Variants in WWC2 observed in about 807,000 individuals in gnomAD.
The protein encoded by WWC2 is WW and C2 domain containing 2.
A neutral mutation model predicts 138.5 loss-of-function variants in WWC2; 101 were observed. The ratio of observed to expected loss-of-function variants is 0.73; its 90% CI spans 0.62 to 0.86. The LOEUF is 0.86. Ranked by LOEUF, WWC2 falls within the 40% of genes least tolerant of loss-of-function variation. WWC2 has a pLI of 0.00. For missense variants in WWC2, 1,420 were observed against 1,419.4 expected, an observed-to-expected ratio of 1.00 and a Z score of -0.01; for synonymous variants, 558 against 538.4, an observed-to-expected ratio of 1.04 and a Z score of -0.50.
At chr4:183,172,338 T>C (rs1734313115) in intron 1 of WWC2, among the ~76,000 whole-genome samples, 2 of 152,212 alleles carry the variant, frequency 1.3e-5, no homozygotes, top group Admixed American at 6.5e-5. Context: ...TGGTTTATTC[T>C]CTGTTTTGGT....
chr4:183,294,712 A>T (rs77472227), intron 21 of WWC2, among the ~76,000 whole-genome samples: 1 of 152,182 alleles, frequency 6.6e-6, no homozygotes, highest in African/African-American at 2.4e-5. Flanking sequence ...GAAAAAGAAG[A>T]TGAAGACCTT....
intron 7 of WWC2, among the ~76,000 whole-genome samples, chr4:183,249,690 G>A (rs559384861): frequency 4.6e-5 from 7 of 152,216 alleles, no homozygotes; most frequent in African/African-American, 1.2e-4. Context: ...TGAATTTAAC[G>A]TGTAGAGAAA....
At chr4:183,208,513 AGAGT>A (rs1735507506) in intron 3 of WWC2, among the ~76,000 whole-genome samples, 2 of 152,294 alleles carry the variant, frequency 1.3e-5, no homozygotes, top group East Asian at 3.9e-4. Flanking sequence ...ACTATTACCT[AGAGT>A]GTAATTTCTG....
chr4:183,150,495 T>A (rs1342969133), intron 1 of WWC2, among the ~76,000 whole-genome samples: 4 of 152,168 alleles, frequency 2.6e-5, no homozygotes, highest in Non-Finnish European at 1.5e-5. Context: ...TACGTTGATG[T>A]CATTATATAG....
chr4:183,172,093 A>G (rs972769866), intron 1 of WWC2, among the ~76,000 whole-genome samples: 1 of 152,054 alleles, frequency 6.6e-6, no homozygotes, highest in Non-Finnish European at 1.5e-5. Flanking sequence ...TCCTATTACC[A>G]ATTTGTGGCC....
intron 1 of WWC2, among the ~76,000 whole-genome samples, chr4:183,101,358 T>C (rs1433647317): frequency 2.0e-5 from 3 of 152,238 alleles, no homozygotes; most frequent in African/African-American, 7.2e-5. Context: ...ATGTCCTTTA[T>C]TTTAAACTCT....
At chr4:183,119,539 C>T (rs969818946) in intron 1 of WWC2, among the ~76,000 whole-genome samples, 1 of 152,300 alleles carries the variant, frequency 6.6e-6, no homozygotes, top group East Asian at 1.9e-4. Context: ...CATTTCAAGA[C>T]GGGGTATAAA....
At chr4:183,280,496 C>G (rs1046551408) in intron 16 of WWC2, among the ~76,000 whole-genome samples, 1 of 152,002 alleles carries the variant, frequency 6.6e-6, no homozygotes, top group Admixed American at 6.6e-5. Flanking sequence ...TTGACAAATA[C>G]GCTAAGGGAA....
At position 183,280,777 on chromosome 4, in the gene WWC2, A is replaced by T. The variant is rs766315963; in HGVS notation, c.2564A>T (p.Asp855Val). The change falls in exon 17 of 23, where the codon GAT (aspartate) becomes GTT (valine). Residue 855 changes from aspartate (D) to valine (V), a missense_variant and splice_region_variant. Physicochemically the swap from Asp to Val is radical, Grantham distance 152 (BLOSUM62 -3). Transcript: ENST00000403733. ...TGCCGTATGCTTTACATTCTTCAGG[A>T]TGCAGTGTCAGCCTTACTTGCAAGA... ...NQPLVDSIDL[D>V]AVSALLARTS... 2 of 1,602,800 alleles carry T rather than the reference A, an allele frequency of 1.2e-6. No individual in the cohort carries two copies. Among genetic ancestry groups the T allele is most frequent in the South Asian group, 2.3e-5 (2 of 88,724 alleles).
intron 1 of WWC2, among the ~76,000 whole-genome samples, chr4:183,134,800 A>T (rs1358244204): frequency 6.6e-6 from 1 of 152,154 alleles, no homozygotes; most frequent in African/African-American, 2.4e-5. Context: ...CTTTTGCCTT[A>T]AAATCTATTG....
intron 21 of WWC2, among the ~76,000 whole-genome samples, chr4:183,309,902 G>A (rs1180374189): frequency 5.3e-5 from 8 of 152,212 alleles, no homozygotes; most frequent in Non-Finnish European, 1.2e-4. Context: ...TGAGCTATCT[G>A]TCAAGCCATG....
chr4:183,287,686 T>C (rs1738303696), intron 20 of WWC2, among the ~76,000 whole-genome samples: 1 of 152,146 alleles, frequency 6.6e-6, no homozygotes, highest in Admixed American at 6.5e-5. Context: ...AGGACAAAAG[T>C]ATCTGCAAAG....
chr4:183,167,981 G>C (rs373851265), intron 1 of WWC2, among the ~76,000 whole-genome samples: 1 of 150,606 alleles, frequency 6.6e-6, no homozygotes, highest in Admixed American at 6.7e-5. Flanking sequence ...TCAGCCTCCC[G>C]AGTAGCTGGG....
At chr4:183,209,117 A>G (rs1735526480) in intron 4 of WWC2, 92 bp downstream of exon 4, 4 of 881,788 alleles carry the variant, frequency 4.5e-6, no homozygotes, top group East Asian at 2.7e-5. Context: ...TCTCATCTCC[A>G]TTTGGTGTAG....
Position 183,319,434 on chromosome 4 carries a change from G to C in WWC2, c.*3705G>C. ...CTTGGAAAGAAACTATAGTTTAATA[G>C]CCACAGGAAAAGATGCATTTTCAAA... is the stretch of plus-strand genomic sequence containing the variant. On this transcript the variant is annotated 3_prime_UTR_variant, in exon 23 of 23. Coordinates refer to ENST00000403733, the MANE Select transcript of WWC2 (RefSeq NM_024949.6). 9.4e-7 allele frequency: 1 copy of C among 1,061,020 alleles called. No individual in the cohort carries two copies. Among genetic ancestry groups the C allele is most frequent in the Non-Finnish European group, 1.4e-6 (1 of 728,266 alleles). 65.7% of individuals were successfully genotyped at this position (1,061,020 alleles called of 1,614,324 possible).
intron 4 of WWC2, 61 bp from the exon 5 acceptor site, chr4:183,240,122 C>G: frequency 8.2e-7 from 1 of 1,216,060 alleles, no homozygotes; most frequent in Non-Finnish European, 1.2e-6. Context: ...TCTTTTAAAA[C>G]TGTAGACTGT....
At chr4:183,193,534 C>A in intron 1 of WWC2, 65 bp from the exon 2 acceptor site, 1 of 1,434,434 alleles carries the variant, frequency 7.0e-7, no homozygotes, top group Non-Finnish European at 9.8e-7. Flanking sequence ...GGTTAGGGTG[C>A]TGAATTTTGA....
chr4:183,222,505 T>C (rs1309243961), intron 4 of WWC2, among the ~76,000 whole-genome samples: 1 of 151,910 alleles, frequency 6.6e-6, no homozygotes, highest in African/African-American at 2.4e-5. Context: ...TATAAAACAT[T>C]TTTGAAGGAT....
intron 7 of WWC2, 141 bp from the exon 8 acceptor site, chr4:183,249,779 T>C (rs1429623556): frequency 1.6e-6 from 1 of 622,454 alleles, no homozygotes; most frequent in East Asian, 2.9e-5. Flanking sequence ...ATAAAATAAG[T>C]GTCTTTTAAA....
Sources: gnomAD v4.1 joint callset for allele counts (sites outside exome capture counted in the v4.1 genomes callset) on GRCh38, gnomAD v4.1.1 for gene constraint, MANE v1.5 for transcripts, NCBI Gene and HGNC (gene_info 2026-07-23, HGNC 2026-07-21) for gene names.